Variants in ADAMTS7 observed in about 807,000 individuals in gnomAD.
The protein encoded by ADAMTS7 is ADAM metallopeptidase with thrombospondin type 1 motif 7.
In ADAMTS7, 89 loss-of-function variants were observed where a neutral mutation model predicts 172.6. That is an observed-to-expected ratio of 0.52 (90% CI 0.43 to 0.61). The LOEUF (loss-of-function observed/expected upper bound fraction) is 0.61. ADAMTS7 is among the 20% of genes least tolerant of loss of function. The pLI, the probability that ADAMTS7 is intolerant of heterozygous loss-of-function variation, is 0.00. For missense variants in ADAMTS7, 1,973 were observed against 2,355.6 expected, an observed-to-expected ratio of 0.84 and a Z score of 3.36; for synonymous variants, 885 against 978.4, an observed-to-expected ratio of 0.90 and a Z score of 1.78.
At chr15:78,792,089 G>A (rs935177768) in intron 4 of ADAMTS7, among the ~76,000 whole-genome samples, 1 of 152,304 alleles carries the variant, frequency 6.6e-6, no homozygotes, top group Non-Finnish European at 1.5e-5. Flanking sequence ...TATTCAAATA[G>A]CAAGGAACCA....
Position 78,789,721 on chromosome 15 carries a change from C to T in ADAMTS7, c.1146G>A (p.Leu382=). 6.2e-7 allele frequency: 1 copy of T among 1,613,602 alleles called. No homozygotes were observed. The highest frequency in any genetic ancestry group is 8.5e-7 in the Non-Finnish European group (1 of 1,179,926). ...CGAGCTCGTGGGCTACAGTGAAGGC[C>T]AGCGGCAGGCCCGTGTCCTCGTTGA... ...CSINEDTGLP[L]AFTVAHELGH... The change falls in exon 7 of 24, where the codon CTG becomes CTA. Residue 382 remains leucine, a synonymous_variant. Transcript: ENST00000388820.
rs529947914 is a variant in ADAMTS7, at chr15:78,777,229, T to C, written c.1467+215A>G. The C allele has an allele frequency of 1.0e-3, 697 of 672,606 alleles. 1 individual carries two copies. The highest frequency in any genetic ancestry group is 1.7e-3 in the Middle Eastern group (4 of 2,412). The allele number at this position is 672,606 out of a possible 1,614,324, so 41.7% of individuals were successfully genotyped here. On this transcript the variant is annotated intron_variant, in intron 9 of 23. Transcript: ENST00000388820. ...AGGGACTTGTCCGAAGGGTCACAGT[T>C]GGTCCATGGTTGACCCAGAATTCAG...
At chr15:78,809,336 C>T (rs2055835973) in intron 1 of ADAMTS7, among the ~76,000 whole-genome samples, 2 of 152,110 alleles carry the variant, frequency 1.3e-5, no homozygotes, top group South Asian at 4.2e-4. Context: ...GACAAACAGG[C>T]CAGCAGCCTC....
intron 1 of ADAMTS7, among the ~76,000 whole-genome samples, chr15:78,802,296 GCA>G (rs1282998145): frequency 1.3e-5 from 2 of 152,198 alleles, no homozygotes; most frequent in Non-Finnish European, 2.9e-5. Flanking sequence ...ACTCCCTTTA[GCA>G]GTGCCTGAGC....
intron 8 of ADAMTS7, among the ~76,000 whole-genome samples, chr15:78,785,604 T>G (rs2055491593): frequency 6.6e-6 from 1 of 151,400 alleles, no homozygotes; most frequent in African/African-American, 2.4e-5. Context: ...CAACACTTAG[T>G]TCAGACATCA....
At chr15:78,772,284 ATTG>A (rs959352705) in intron 14 of ADAMTS7, among the ~76,000 whole-genome samples, 2 of 152,138 alleles carry the variant, frequency 1.3e-5, no homozygotes, top group African/African-American at 4.8e-5. Context: ...CATAGGTACT[ATTG>A]TTATCCCCAT....
chr15:78,788,218 C>A lies in ADAMTS7; in HGVS notation c.1322+13G>T. ...TGGATCAAGGTATAGGGGCCCAGGG[C>A]TGGGGGACTTACTCAAGGAACCTGG... On this transcript the variant is annotated intron_variant, in intron 8 of 23. Transcript: ENST00000388820. 2 of 1,613,114 alleles carry A rather than the reference C, an allele frequency of 1.2e-6. No homozygotes were observed. The highest frequency in any genetic ancestry group is 1.1e-5 in the South Asian group (1 of 91,010).
At position 78,788,267 on chromosome 15, in the gene ADAMTS7, G is replaced by C; in HGVS notation, c.1286C>G (p.Ser429Cys). ...GGTGATATACTGGCGGCTGCAGCGG[G>C]ACCAGGTGAGGGGAGCGGCGTCGTA... ...LLYDAAPLTW[S>C]RCSRQYITRF... The change falls in exon 8 of 24, where the codon TCC (serine) becomes TGC (cysteine). Residue 429 changes from serine to cysteine, a missense_variant. This residue lies in a region of ADAMTS7 where 526 missense variants were observed against 662.9 expected (regional missense o/e 0.79). Coordinates refer to ENST00000388820, the MANE Select transcript of ADAMTS7 (RefSeq NM_014272.5). The C allele has an allele frequency of 6.2e-7, 1 of 1,613,820 alleles. No homozygotes were observed. The highest frequency in any genetic ancestry group is 8.5e-7 in the Non-Finnish European group (1 of 1,180,000).
At chr15:78,792,992 G>GAA (rs1283062933) in intron 4 of ADAMTS7, among the ~76,000 whole-genome samples, 1 of 152,198 alleles carries the variant, frequency 6.6e-6, no homozygotes, top group Non-Finnish European at 1.5e-5. Flanking sequence ...CATTGGTAAA[G>GAA]AAAGATGAGG....
rs79304747 is a variant in ADAMTS7 at position 78,790,565 on chromosome 15, T to C, written c.1028+105A>G. 9.2e-3 allele frequency: 13,621 copies of C among 1,487,582 alleles called. 534 individuals carry two copies. In the East Asian group the frequency reaches 0.14, roughly 16 times the overall value. 92.1% of individuals were successfully genotyped at this position (1,487,582 alleles called of 1,614,324 possible). On this transcript the variant is annotated intron_variant, in intron 6 of 23. Coordinates refer to ENST00000388820, the MANE Select transcript of ADAMTS7 (RefSeq NM_014272.5). ...AAAGGTGCGCAAACTCTCCTCAAAA[T>C]TGGGCTCCCTGACAGCACGGCCCCC... is the stretch of plus-strand genomic sequence containing the variant.
intron 8 of ADAMTS7, among the ~76,000 whole-genome samples, chr15:78,786,174 C>T (rs907203909): frequency 1.3e-5 from 2 of 151,940 alleles, no homozygotes; most frequent in South Asian, 4.2e-4. Context: ...AAGTGATCCA[C>T]CTGCCTCAGC....
At position 78,774,784 on chromosome 15, in the gene ADAMTS7, G is replaced by C. The variant is rs755345475; in HGVS notation, c.1716C>G (p.Tyr572Ter). 1 of 1,600,436 alleles carries C rather than the reference G, an allele frequency of 6.2e-7. No individual in the cohort carries two copies. The highest frequency in any genetic ancestry group is 1.1e-5 in the South Asian group (1 of 90,126). ...GCTCACCCACACAGTATCTGCCTTTGTATTTGGGCCTGTGGGGAGAACCGG... is the reference window on the plus strand; with the variant it reads ...GCTCACCCACACAGTATCTGCCTTTCTATTTGGGCCTGTGGGGAGAACCGG... ...ERQCTQPTPKYKGRYCVGERK... is the reference protein window; with the variant it reads ...ERQCTQPTPK The change falls in exon 12 of 24, where the codon TAC becomes TAG. Residue 572 changes from tyrosine to a stop codon, truncating the protein, a stop_gained. Transcript: ENST00000388820. LOFTEE classifies it high-confidence loss of function.
intron 1 of ADAMTS7, 71 bp downstream of exon 1, chr15:78,811,050 G>A (rs901787067): frequency 1.9e-5 from 23 of 1,223,530 alleles, no homozygotes; most frequent in Non-Finnish European, 2.1e-5. Context: ...AGGTGAGGAG[G>A]GACAAAACCG....
intron 8 of ADAMTS7, 148 bp downstream of exon 8, chr15:78,788,083 C>T: frequency 9.2e-7 from 1 of 1,089,278 alleles, no homozygotes; most frequent in South Asian, 1.6e-5. Flanking sequence ...CTGTCTGCAT[C>T]ACCCCCATTA....
At chr15:78,787,908 C>G (rs2055526157) in intron 8 of ADAMTS7, among the ~76,000 whole-genome samples, 1 of 152,164 alleles carries the variant, frequency 6.6e-6, no homozygotes, top group Admixed American at 6.5e-5. Context: ...AGGCCTTTCT[C>G]AGGCTTCCTC....
chr15:78,765,520 G>T, intron 19 of ADAMTS7, 125 bp downstream of exon 19: 1 of 1,484,526 alleles, frequency 6.7e-7, no homozygotes, highest in Non-Finnish European at 9.1e-7. Context: ...CCTAATCCTG[G>T]GAACCCCTGC....
At position 78,766,746 on chromosome 15, in the gene ADAMTS7, C is replaced by G. The variant is rs372168680; in HGVS notation, c.3165G>C (p.Pro1055=). The change falls in exon 19 of 24, where the codon CCG becomes CCC. Residue 1055 remains proline (P), a synonymous_variant. Transcript: ENST00000388820. ...AGAAGTCGTCCACAAACACGGGCCC[C>G]GGCAGGTCCAGCTCTGGAGCCTCCT... ...IEEEAPELDL[P]GPVFVDDFYY... The G allele has an allele frequency of 1.3e-5, 21 of 1,610,648 alleles. No individual in the cohort carries two copies. The South Asian group carries it at 2.0e-4, about 15-fold the overall frequency.
Position 78,796,633 on chromosome 15 carries a change from C to T in ADAMTS7, c.776G>A (p.Gly259Glu), listed in dbSNP as rs560862882. The T allele has an allele frequency of 1.2e-6, 2 of 1,614,114 alleles. No homozygotes were observed. The highest frequency in any genetic ancestry group is 2.2e-5 in the East Asian group (1 of 44,886). The change falls in exon 4 of 24, where the codon GGA becomes GAA. Residue 259 changes from glycine (G) to glutamate (E), a missense_variant. Transcript: ENST00000388820. ...VADAKMVEYH[G>E]QPQVESYVLT... Reference sequence around the variant, plus strand: ...CACATAGCTCTCAACCTGCGGCTGTCCGTGGTACTCCACCATTTTGGCATC... The same window carrying T: ...CACATAGCTCTCAACCTGCGGCTGTTCGTGGTACTCCACCATTTTGGCATC...
intron 4 of ADAMTS7, 75 bp downstream of exon 4, chr15:78,796,515 T>C (rs1231485587): frequency 6.6e-7 from 1 of 1,514,974 alleles, no homozygotes; most frequent in Non-Finnish European, 9.0e-7. Context: ...ACAGCCTTCC[T>C]GCCCTGCACC....
Sources: gnomAD v4.1 joint callset for allele counts (sites outside exome capture counted in the v4.1 genomes callset) on GRCh38, gnomAD v4.1.1 for gene constraint, gnomAD v4.1.1 regional missense constraint, MANE v1.5 for transcripts, NCBI Gene and HGNC (gene_info 2026-07-23, HGNC 2026-07-21) for gene names.